CPA6: variants seen among roughly 807,000 people sequenced by gnomAD.
CPA6 encodes the protein carboxypeptidase A6.
In CPA6, 58 loss-of-function variants were observed where a neutral mutation model predicts 63.3. The observed-to-expected ratio is 0.92, with a 90% CI of 0.74 to 1.14. The LOEUF (loss-of-function observed/expected upper bound fraction) is 1.14, where lower values mean the gene tolerates loss of function less well. CPA6 is among the 50% of genes most tolerant of loss of function. The pLI is 0.00. For missense variants in CPA6, 565 were observed against 526.6 expected (o/e 1.07, Z -0.71); for synonymous variants, 185 against 179.0 (o/e 1.03, Z -0.27).
At chr8:67,733,432 G>T (rs192705372) in intron 1 of CPA6, among the ~76,000 whole-genome samples, 10 of 151,864 alleles carry the variant, frequency 6.6e-5, no homozygotes, top group African/African-American at 2.2e-4. Context: ...TTTCCCACGC[G>T]TGGAAGTTTC....
intron 2 of CPA6, among the ~76,000 whole-genome samples, chr8:67,527,297 A>G (rs574458229): frequency 3.0e-4 from 45 of 152,356 alleles, no homozygotes; most frequent in African/African-American, 1.1e-3. Context: ...TATTTGATGA[A>G]ATGAAAACCT....
chr8:67,728,168 A>G (rs548937258), intron 1 of CPA6, among the ~76,000 whole-genome samples: 1 of 150,728 alleles, frequency 6.6e-6, no homozygotes, highest in South Asian at 2.1e-4. Context: ...AAAACAAACT[A>G]TTATCTGTCC....
chr8:67,681,310 C>A (rs914737668), intron 1 of CPA6, among the ~76,000 whole-genome samples: 1 of 147,216 alleles, frequency 6.8e-6, no homozygotes, highest in Non-Finnish European at 1.5e-5. Context: ...CCCGGGTTCA[C>A]GCCATTCTCC....
At chr8:67,440,105 C>T (rs960630231) in intron 8 of CPA6, among the ~76,000 whole-genome samples, 4 of 152,166 alleles carry the variant, frequency 2.6e-5, no homozygotes, top group Non-Finnish European at 5.9e-5. Flanking sequence ...TATTCTCGTA[C>T]AGTTCTTGAG....
At chr8:67,592,583 C>A (rs1223347313) in intron 2 of CPA6, among the ~76,000 whole-genome samples, 2 of 151,734 alleles carry the variant, frequency 1.3e-5, no homozygotes, top group South Asian at 2.1e-4. Context: ...TTGGTCTATT[C>A]AGAGATTCAA....
intron 1 of CPA6, among the ~76,000 whole-genome samples, chr8:67,718,169 G>A (rs1817418976): frequency 6.6e-6 from 1 of 152,114 alleles, no homozygotes. Context: ...GATTCTTAAA[G>A]ACTCCCCAAC....
At chr8:67,591,329 A>T (rs1419535086) in intron 2 of CPA6, among the ~76,000 whole-genome samples, 1 of 151,924 alleles carries the variant, frequency 6.6e-6, no homozygotes, top group African/African-American at 2.4e-5. Context: ...TGATGCCTCC[A>T]GCTTTGTTCT....
At chr8:67,605,403 G>A (rs1177130874) in intron 2 of CPA6, among the ~76,000 whole-genome samples, 1 of 152,048 alleles carries the variant, frequency 6.6e-6, no homozygotes, top group Non-Finnish European at 1.5e-5. Context: ...CCTGGTATTT[G>A]CATATAACCT....
chr8:67,484,218 C>T (rs755853824), intron 7 of CPA6, among the ~76,000 whole-genome samples: 2 of 152,046 alleles, frequency 1.3e-5, no homozygotes, highest in Non-Finnish European at 2.9e-5. Context: ...TACAGGCGCC[C>T]GCCACCGCGC....
intron 2 of CPA6, among the ~76,000 whole-genome samples, chr8:67,597,405 A>G (rs964876351): frequency 6.6e-6 from 1 of 152,116 alleles, no homozygotes. Flanking sequence ...CATGTTGACC[A>G]GGAGAGTCTC....
chr8:67,692,960 C>T (rs996155920), intron 1 of CPA6, among the ~76,000 whole-genome samples: 2 of 152,136 alleles, frequency 1.3e-5, no homozygotes, highest in Non-Finnish European at 2.9e-5. Context: ...ACAAAGGACA[C>T]TGGCAGGGGA....
At chr8:67,627,777 A>G (rs1815226027) in intron 1 of CPA6, among the ~76,000 whole-genome samples, 1 of 152,232 alleles carries the variant, frequency 6.6e-6, no homozygotes, top group African/African-American at 2.4e-5. Context: ...AAATGAGGTT[A>G]TGTAGCTATA....
chr8:67,483,773 C>A lies in CPA6; in HGVS notation c.833G>T (p.Trp278Leu). The A allele has an allele frequency of 6.2e-7, 1 of 1,613,890 alleles. No individual in the cohort carries two copies. Among genetic ancestry groups the A allele is most frequent in the Non-Finnish European group, 8.5e-7 (1 of 1,179,760 alleles). The change falls in exon 8 of 11, where the codon TGG (tryptophan) becomes TTG (leucine). Residue 278 changes from tryptophan to leucine, a missense_variant. Physicochemically the swap from Trp to Leu is moderately conservative, Grantham distance 61 (BLOSUM62 -2). Transcript: ENST00000297770. The stretch of plus-strand genomic sequence containing the variant: ...CCAGTTGGTCCCAAACTTACCACAC[C>A]ACTTCACTTTCCAGTTTCTATTGGC... Reference protein sequence around the residue: ...VDANRNWKVKWCDEGASMHPC... With the variant: ...VDANRNWKVKLCDEGASMHPC...
At chr8:67,604,311 C>T (rs77233405) in intron 2 of CPA6, among the ~76,000 whole-genome samples, 3,934 of 152,200 alleles carry the variant, frequency 0.026, 84 homozygotes, top group African/African-American at 0.062. Context: ...AGCTAGTGTC[C>T]GAGACTGGCC....
At position 67,684,001 on chromosome 8, in the gene CPA6, GTATA is replaced by G. The variant is rs3056573; in HGVS notation, c.117-59754_117-59751del. 8.3e-3 allele frequency among the ~76,000 whole-genome samples: 972 copies of G among 116,894 alleles called. 13 individuals carry two copies. Among genetic ancestry groups the G allele is most frequent in the Middle Eastern group, 0.019 (4 of 212 alleles). 76.7% of individuals were successfully genotyped at this position (116,894 alleles called of 152,430 possible). On this transcript the variant is annotated intron_variant, in intron 1 of 10. Coordinates refer to ENST00000297770, the MANE Select transcript of CPA6 (RefSeq NM_020361.5). ...TGTTATGTCTGGCTGATTTTAAAAT[GTATA>G]TATATATATATATATATATATATAT...
chr8:67,632,661 A>G (rs1479317078), intron 1 of CPA6, among the ~76,000 whole-genome samples: 2 of 152,170 alleles, frequency 1.3e-5, no homozygotes, highest in African/African-American at 4.8e-5. Context: ...CTAATAGTTG[A>G]CAATTGAGTT....
intron 2 of CPA6, among the ~76,000 whole-genome samples, chr8:67,592,551 G>A (rs944498971): frequency 1.3e-5 from 2 of 151,564 alleles, no homozygotes; most frequent in Non-Finnish European, 2.9e-5. Flanking sequence ...ATTGATTATT[G>A]CCACAATTTC....
intron 2 of CPA6, among the ~76,000 whole-genome samples, chr8:67,537,885 G>T (rs892859158): frequency 1.3e-5 from 2 of 152,146 alleles, no homozygotes; most frequent in African/African-American, 4.8e-5. Context: ...AGTACGTTGT[G>T]TCTTTGTTCT....
intron 1 of CPA6, among the ~76,000 whole-genome samples, chr8:67,636,741 CACTT>C (rs1815477150): frequency 6.6e-6 from 1 of 151,572 alleles, no homozygotes; most frequent in East Asian, 1.9e-4. Context: ...ATAGGATGTT[CACTT>C]ACTTAAAAAA....
Sources: allele counts gnomAD v4.1 joint callset (sites outside exome capture counted in the v4.1 genomes callset), GRCh38; gene constraint gnomAD v4.1.1; transcripts MANE v1.5; gene names NCBI Gene and HGNC (gene_info 2026-07-23, HGNC 2026-07-21).